AFF3: variants seen among roughly 807,000 people sequenced by gnomAD.
AFF3 encodes the protein AF4/FMR2 family member 3.
In AFF3, 32 loss-of-function variants were observed where a neutral mutation model predicts 129.7. The observed-to-expected ratio is 0.25, with a 90% CI of 0.19 to 0.33. The LOEUF is 0.33. Among genes scored for constraint, AFF3 ranks in the 10% least tolerant of loss-of-function variants. AFF3 has a pLI of 1.00. For synonymous variants in AFF3, 644 were observed against 635.4 expected, an observed-to-expected ratio of 1.01 and a Z score of -0.20; for missense variants, 1,373 against 1,592.0, an observed-to-expected ratio of 0.86 and a Z score of 2.34.
chr2:99,847,668 C>T (rs963565615), intron 7 of AFF3, among the ~76,000 whole-genome samples: 1 of 151,936 alleles, frequency 6.6e-6, no homozygotes, highest in Non-Finnish European at 1.5e-5. Context: ...TGGGGCTGAA[C>T]TCAGATATTA....
intron 8 of AFF3, among the ~76,000 whole-genome samples, chr2:99,783,436 T>C (rs371665394): frequency 6.6e-6 from 1 of 152,300 alleles, no homozygotes; most frequent in Middle Eastern, 3.4e-3. Context: ...CCAGTGGCTG[T>C]GCTGCAGTGT....
intron 10 of AFF3, among the ~76,000 whole-genome samples, chr2:99,731,798 T>C (rs1284872359): frequency 2.0e-5 from 3 of 152,192 alleles, no homozygotes; most frequent in African/African-American, 7.2e-5. Flanking sequence ...GTTCCCGACA[T>C]TTATGTCAAA....
At chr2:99,894,879 T>C (rs1343495950) in intron 7 of AFF3, among the ~76,000 whole-genome samples, 1 of 152,240 alleles carries the variant, frequency 6.6e-6, no homozygotes, top group Non-Finnish European at 1.5e-5. Flanking sequence ...TAAGTCCCTC[T>C]TCTGCTTCAG....
At chr2:99,777,742 G>C (rs1180572804) in intron 8 of AFF3, among the ~76,000 whole-genome samples, 1 of 151,884 alleles carries the variant, frequency 6.6e-6, no homozygotes, top group Non-Finnish European at 1.5e-5. Context: ...AAAATGCTCT[G>C]AAGTGCTGGT....
chr2:100,068,732 G>A (rs993509778), intron 4 of AFF3, among the ~76,000 whole-genome samples: 8 of 152,092 alleles, frequency 5.3e-5, no homozygotes, highest in Non-Finnish European at 7.4e-5. Context: ...GACTCCCGAC[G>A]CCCACCATCA....
At chr2:100,104,788 C>A (rs1691116731) in intron 3 of AFF3, 1 of 860,410 alleles carries the variant, frequency 1.2e-6, no homozygotes, top group Non-Finnish European at 1.4e-6. Context: ...GCGGCCCGGC[C>A]CGCTGCTGCA....
chr2:99,649,038 T>C (rs1216777324), intron 13 of AFF3, among the ~76,000 whole-genome samples: 6 of 152,034 alleles, frequency 3.9e-5, no homozygotes, highest in Non-Finnish European at 7.4e-5. Context: ...CATTCAACTA[T>C]CTGTCTACAG....
chr2:99,889,537 G>A (rs1226043049), intron 7 of AFF3, among the ~76,000 whole-genome samples: 1 of 152,180 alleles, frequency 6.6e-6, no homozygotes, highest in Non-Finnish European at 1.5e-5. Flanking sequence ...CTTCCCAGGG[G>A]CAGAGGCAGG....
chr2:100,062,184 G>C (rs1378472006), intron 4 of AFF3, among the ~76,000 whole-genome samples: 1 of 152,180 alleles, frequency 6.6e-6, no homozygotes, highest in Non-Finnish European at 1.5e-5. Flanking sequence ...CATAAAATCA[G>C]AAGCTGCGAG....
intron 13 of AFF3, among the ~76,000 whole-genome samples, chr2:99,630,028 A>G (rs551927152): frequency 2.0e-4 from 30 of 152,064 alleles, no homozygotes; most frequent in Non-Finnish European, 3.4e-4. Context: ...TTCACTATAG[A>G]CCCCCTTCTG....
intron 7 of AFF3, among the ~76,000 whole-genome samples, chr2:99,910,385 T>G (rs865786362): frequency 6.6e-6 from 1 of 152,194 alleles, no homozygotes; most frequent in Admixed American, 6.5e-5. Context: ...GTAGTAGCAT[T>G]TGGATATTAT....
intron 13 of AFF3, among the ~76,000 whole-genome samples, chr2:99,634,245 C>T (rs960960207): frequency 6.6e-6 from 1 of 152,180 alleles, no homozygotes; most frequent in Non-Finnish European, 1.5e-5. Flanking sequence ...CTCAGGTATC[C>T]CTTTATAGCA....
At chr2:99,937,490 C>T (rs572498039) in intron 7 of AFF3, among the ~76,000 whole-genome samples, 22 of 152,270 alleles carry the variant, frequency 1.4e-4, no homozygotes, top group Non-Finnish European at 2.8e-4. Context: ...CCTACGCCTC[C>T]CAGGTTCAAG....
At chr2:99,884,557 C>T (rs1427395380) in intron 7 of AFF3, among the ~76,000 whole-genome samples, 1 of 140,134 alleles carries the variant, frequency 7.1e-6, no homozygotes, top group South Asian at 2.4e-4. Context: ...TAACACCACA[C>T]CTGGCTAATT....
chr2:99,730,210 G>A (rs1679708789), intron 10 of AFF3, among the ~76,000 whole-genome samples: 1 of 152,150 alleles, frequency 6.6e-6, no homozygotes, highest in Non-Finnish European at 1.5e-5. Flanking sequence ...ACCCTCGCCA[G>A]TGAGACGAAA....
chr2:99,590,315 C>A (rs921815785), intron 15 of AFF3, among the ~76,000 whole-genome samples: 2 of 152,236 alleles, frequency 1.3e-5, no homozygotes, highest in African/African-American at 4.8e-5. Flanking sequence ...GCAGGCAGAA[C>A]CTGCCCTGCA....
chr2:100,048,547 A>G (rs1026516858), intron 4 of AFF3, among the ~76,000 whole-genome samples: 2 of 152,230 alleles, frequency 1.3e-5, no homozygotes, highest in African/African-American at 4.8e-5. Context: ...TATGAAGAGC[A>G]ATTTCTCAAA....
intron 12 of AFF3, among the ~76,000 whole-genome samples, chr2:99,657,736 C>T (rs979298540): frequency 6.6e-6 from 1 of 152,162 alleles, no homozygotes; most frequent in Admixed American, 6.5e-5. Flanking sequence ...TTTATGTCTA[C>T]TAGAAATTTG....
At chr2:99,640,622 T>TA (rs1459579753) in intron 13 of AFF3, among the ~76,000 whole-genome samples, 1 of 151,886 alleles carries the variant, frequency 6.6e-6, no homozygotes, top group African/African-American at 2.4e-5. Context: ...GGGTTTTTTT[T>TA]TTTCTTTTGC....
Sources: gnomAD v4.1 joint callset for allele counts (sites outside exome capture counted in the v4.1 genomes callset) on GRCh38, gnomAD v4.1.1 for gene constraint, MANE v1.5 for transcripts, NCBI Gene and HGNC (gene_info 2026-07-23, HGNC 2026-07-21) for gene names.